The following PXDC1 variants were observed in gnomAD, a reference collection of about 807,000 sequenced individuals.
The protein encoded by PXDC1 is PX domain-containing protein 1.
A neutral mutation model predicts 24.4 loss-of-function variants in PXDC1; 13 were observed. The observed-to-expected ratio is 0.53, with a 90% CI of 0.35 to 0.85. The LOEUF (loss-of-function observed/expected upper bound fraction) is 0.85, where lower values mean the gene tolerates loss of function less well. Among genes scored for constraint, PXDC1 ranks in the 40% least tolerant of loss-of-function variants. The pLI is 0.01. For synonymous variants in PXDC1, 162 were observed against 124.9 expected, an observed-to-expected ratio of 1.30 and a Z score of -1.98; for missense variants, 344 against 309.3, an observed-to-expected ratio of 1.11 and a Z score of -0.84.
intron 4 of PXDC1, among the ~76,000 whole-genome samples, chr6:3,726,062 T>C (rs1352614301): frequency 1.3e-5 from 2 of 152,188 alleles, no homozygotes; most frequent in Non-Finnish European, 2.9e-5. Context: ...TCCAGCCTGC[T>C]CACAGTTGAA....
In PXDC1 at chr6:3,737,783, C is replaced by T; in HGVS notation, c.348+274G>A. The T allele has an allele frequency of 8.0e-6, 5 of 626,944 alleles. 1 individual carries two copies. Among genetic ancestry groups the T allele is most frequent in the Non-Finnish European group, 9.9e-6 (5 of 502,534 alleles). The allele number at this position is 626,944 out of a possible 1,614,324, so 38.8% of individuals were successfully genotyped here. A position where few individuals can be genotyped will look rare whatever the true frequency, so the allele number is the denominator to read the frequency against. ...CCTGCAGCCAGAGGGGATCCGCACC[C>T]TTCCACCCATGCCTCCTTGCATCCC... On this transcript the variant is annotated intron_variant, in intron 2 of 4. Coordinates refer to ENST00000380283, the MANE Select transcript of PXDC1 (RefSeq NM_183373.4). This position sits in a 1 kb window ranked among gnomAD's most constrained non-coding sequence, Gnocchi z 5.5.
At chr6:3,729,349 A>C (rs897764962) in intron 3 of PXDC1, among the ~76,000 whole-genome samples, 1 of 152,214 alleles carries the variant, frequency 6.6e-6, no homozygotes, top group Non-Finnish European at 1.5e-5. Flanking sequence ...CTCGCCCCCC[A>C]TAGGATCAAA....
chr6:3,723,197 G>C lies in PXDC1; in HGVS notation c.*422C>G, dbSNP rs558947870. On this transcript the variant is annotated 3_prime_UTR_variant, in exon 5 of 5. Coordinates refer to ENST00000380283, the MANE Select transcript of PXDC1 (RefSeq NM_183373.4). Reference sequence around the variant, plus strand: ...CAAAATCTCCCTCAAGACGTTTTGTGCGTTTGCCGTGGGAGGGAATGGTGG... The same window carrying C: ...CAAAATCTCCCTCAAGACGTTTTGTCCGTTTGCCGTGGGAGGGAATGGTGG... 5.8e-6 allele frequency: 1 copy of C among 173,264 alleles called. No individual in the cohort carries two copies. The highest frequency in any genetic ancestry group is 2.0e-4 in the South Asian group (1 of 5,070). The allele number at this position is 173,264 out of a possible 1,614,324, so 10.7% of individuals were successfully genotyped here. A position where few individuals can be genotyped will look rare whatever the true frequency, so the allele number is the denominator to read the frequency against.
intron 4 of PXDC1, 147 bp from the exon 5 acceptor site, chr6:3,723,883 T>C: frequency 1.5e-6 from 1 of 652,012 alleles, no homozygotes; most frequent in Non-Finnish European, 2.7e-6. Context: ...AGCTGGCTCC[T>C]GCTCTGAGAC....
rs570008404 is a variant in PXDC1 at position 3,737,848 on chromosome 6, A to G, written c.348+209T>C. On this transcript the variant is annotated intron_variant, in intron 2 of 4. Transcript: ENST00000380283. This position sits in a 1 kb window ranked among gnomAD's most constrained non-coding sequence, Gnocchi z 5.5. Reference sequence around the variant, plus strand: ...TCCCCAGGGAGGAAAAACCGGGGCCACTGGAGCCCATGAAAGCCTTCTTTC... The same window carrying G: ...TCCCCAGGGAGGAAAAACCGGGGCCGCTGGAGCCCATGAAAGCCTTCTTTC... 3.4e-6 allele frequency: 1 copy of G among 293,728 alleles called. No homozygotes were observed. The highest frequency in any genetic ancestry group is 6.5e-5 in the Admixed American group (1 of 15,472). 18.2% of individuals were successfully genotyped at this position (293,728 alleles called of 1,614,324 possible).
intron 3 of PXDC1, among the ~76,000 whole-genome samples, chr6:3,732,492 T>C (rs544479603): frequency 4.3e-4 from 65 of 152,310 alleles, no homozygotes; most frequent in Non-Finnish European, 8.4e-4. Flanking sequence ...GATTGATGAG[T>C]CCAAGTTGCC....
rs893773067 is a variant in PXDC1 at position 3,728,790 on chromosome 6, A to C, written c.467-1128T>G. Among the ~76,000 whole-genome samples, 3 of 152,114 alleles carry C rather than the reference A, an allele frequency of 2.0e-5. No homozygotes were observed. Among genetic ancestry groups the C allele is most frequent in the Non-Finnish European group, 4.4e-5 (3 of 68,024 alleles). ...CTGCAGCGTTCGTTTGTATTTTCTG[A>C]GGGACCGCGTTTCCGTCCCCTCGCT... On this transcript the variant is annotated intron_variant, in intron 3 of 4. Coordinates refer to ENST00000380283, the MANE Select transcript of PXDC1 (RefSeq NM_183373.4). The surrounding 1 kb of genome is among the most constrained non-coding windows in gnomAD (Gnocchi z 4.0).
intron 1 of PXDC1, among the ~76,000 whole-genome samples, chr6:3,742,380 G>T (rs549800111): frequency 2.6e-5 from 4 of 152,262 alleles, no homozygotes; most frequent in South Asian, 4.1e-4. Flanking sequence ...TAAAACTTTT[G>T]GTTTTTATAT....
At chr6:3,739,602 G>A (rs1457120908) in intron 1 of PXDC1, among the ~76,000 whole-genome samples, 2 of 152,334 alleles carry the variant, frequency 1.3e-5, no homozygotes, top group Non-Finnish European at 2.9e-5. Flanking sequence ...CAAGCACGAT[G>A]CCCTGGCCGT....
intron 1 of PXDC1, among the ~76,000 whole-genome samples, chr6:3,744,151 C>T (rs1760511531): frequency 3.3e-5 from 5 of 152,218 alleles, no homozygotes; most frequent in Admixed American, 3.3e-4. Flanking sequence ...GCCAAATCCT[C>T]TTCCTAAATT....
rs1760554356 is a variant in PXDC1 at position 3,745,723 on chromosome 6, G to A, written c.256+5553C>T. ...TGACCCAGCTGTGTCCCAGGTGGGT[G>A]ATCCAGCAATCTGGCAAGGCCTTGA... is the stretch of plus-strand genomic sequence containing the variant. On this transcript the variant is annotated intron_variant, in intron 1 of 4. Coordinates refer to ENST00000380283, the MANE Select transcript of PXDC1 (RefSeq NM_183373.4). Among the ~76,000 whole-genome samples the A allele has an allele frequency of 1.3e-5, 2 of 152,326 alleles. 1 individual carries two copies. Among genetic ancestry groups the A allele is most frequent in the Admixed American group, 1.3e-4 (2 of 15,312 alleles).
intron 3 of PXDC1, 99 bp from the exon 4 acceptor site, chr6:3,727,761 T>A: frequency 1.3e-6 from 1 of 747,758 alleles, no homozygotes; most frequent in Non-Finnish European, 2.3e-6. Flanking sequence ...CTCCTCCACC[T>A]GTTGCCCGTG....
At chr6:3,749,603 C>T (rs1760653680) in intron 1 of PXDC1, among the ~76,000 whole-genome samples, 1 of 151,610 alleles carries the variant, frequency 6.6e-6, no homozygotes, top group Non-Finnish European at 1.5e-5. Flanking sequence ...GCAACTGAAA[C>T]CACGCCCTCT....
chr6:3,746,911 C>T (rs1211362004), intron 1 of PXDC1, among the ~76,000 whole-genome samples: 6 of 152,124 alleles, frequency 3.9e-5, no homozygotes, highest in Admixed American at 6.5e-5. Context: ...ACATCTGTGT[C>T]CAGCCCTTTT....
chr6:3,727,968 G>A (rs540949151), intron 3 of PXDC1, among the ~76,000 whole-genome samples: 38 of 152,250 alleles, frequency 2.5e-4, no homozygotes, highest in African/African-American at 8.7e-4. Flanking sequence ...TACAAAGAAG[G>A]AGTACTGGGC....
intron 1 of PXDC1, among the ~76,000 whole-genome samples, chr6:3,749,080 A>C (rs530505101): frequency 1.3e-5 from 2 of 152,168 alleles, no homozygotes; most frequent in African/African-American, 2.4e-5. Context: ...CTGGCGCTGC[A>C]CAACAAAACT....
At chr6:3,738,476 C>T (rs961356828) in intron 1 of PXDC1, among the ~76,000 whole-genome samples, 7 of 152,178 alleles carry the variant, frequency 4.6e-5, no homozygotes, top group African/African-American at 1.7e-4. Flanking sequence ...GAGCTCAGCC[C>T]AGGGCGAATC....
Position 3,724,103 on chromosome 6 carries a change from G to A in PXDC1, c.579-367C>T, listed in dbSNP as rs1442603523. 1.3e-5 allele frequency among the ~76,000 whole-genome samples: 2 copies of A among 152,174 alleles called. No homozygotes were observed. The highest frequency in any genetic ancestry group is 2.9e-5 in the Non-Finnish European group (2 of 68,024). ...GGAAGAGGCGCCTGCCTCGTGCTGG[G>A]CCCTGGGGACAGCTGAGAGAGGAGT... On this transcript the variant is annotated intron_variant, in intron 4 of 4. Coordinates refer to ENST00000380283, the MANE Select transcript of PXDC1 (RefSeq NM_183373.4). The surrounding 1 kb of genome is among the most constrained non-coding windows in gnomAD (Gnocchi z 4.5).
intron 3 of PXDC1, among the ~76,000 whole-genome samples, chr6:3,733,638 G>A (rs548469167): frequency 3.4e-4 from 52 of 152,258 alleles, no homozygotes; most frequent in Non-Finnish European, 6.9e-4. Context: ...GGCTCTGCAA[G>A]GCTGCAAGAG....
Sources: gnomAD v4.1 joint callset for allele counts (sites outside exome capture counted in the v4.1 genomes callset) on GRCh38, gnomAD v4.1.1 for gene constraint, Gnocchi (gnomAD v3.1) non-coding constraint, MANE v1.5 for transcripts, NCBI Gene and HGNC (gene_info 2026-07-23, HGNC 2026-07-21) for gene names.